Variants in PHACTR1 observed in about 807,000 individuals in gnomAD.
PHACTR1 encodes the protein RPEL repeat containing 1.
Under a neutral mutation model 69.2 loss-of-function variants are expected in PHACTR1, and 16 were observed. That is an observed-to-expected ratio of 0.23 (90% CI 0.16 to 0.35). The LOEUF (loss-of-function observed/expected upper bound fraction) is 0.35, where lower values mean the gene tolerates loss of function less well. PHACTR1 is among the 10% of genes least tolerant of loss of function. PHACTR1 has a pLI of 1.00. For synonymous variants in PHACTR1, 312 were observed against 284.5 expected (o/e 1.10, Z -0.97); for missense variants, 510 against 734.7 (o/e 0.69, Z 3.54).
At chr6:13,185,633 T>C (rs1260865249) in intron 7 of PHACTR1, among the ~76,000 whole-genome samples, 4 of 152,212 alleles carry the variant, frequency 2.6e-5, no homozygotes, top group Non-Finnish European at 5.9e-5. Context: ...TCAGTGAAAT[T>C]GTACTTCACT....
chr6:13,142,386 G>C (rs1822619847), intron 5 of PHACTR1, among the ~76,000 whole-genome samples: 1 of 152,140 alleles, frequency 6.6e-6, no homozygotes, highest in Non-Finnish European at 1.5e-5. Flanking sequence ...TTACAGGTGT[G>C]AGCCACCGCA....
At chr6:12,953,044 C>T (rs547461756) in intron 4 of PHACTR1, among the ~76,000 whole-genome samples, 59 of 152,224 alleles carry the variant, frequency 3.9e-4, no homozygotes, top group African/African-American at 1.3e-3. Context: ...ATATTCTTGC[C>T]GGGCGTGGTG....
At chr6:12,862,412 A>G (rs941007623) in intron 4 of PHACTR1, among the ~76,000 whole-genome samples, 6 of 152,138 alleles carry the variant, frequency 3.9e-5, no homozygotes, top group Admixed American at 3.9e-4. Context: ...ACAAAGCACT[A>G]GATCTGGGAG....
chr6:12,901,685 G>A lies in PHACTR1; in HGVS notation c.251-151680G>A, dbSNP rs541971174. Among the ~76,000 whole-genome samples the A allele has an allele frequency of 8.1e-4, 124 of 152,178 alleles. 1 individual carries two copies. Among genetic ancestry groups the A allele is most frequent in the African/African-American group, 2.1e-3 (89 of 41,516 alleles). On this transcript the variant is annotated intron_variant, in intron 4 of 14. Coordinates refer to ENST00000332995, the MANE Select transcript of PHACTR1 (RefSeq NM_030948.6). ...AATTTTTGTATTTTTTGGTAGAAAC[G>A]GGGTTTCACCATGTTGGTCAGGCTG... is the stretch of plus-strand genomic sequence containing the variant.
chr6:12,764,354 A>G (rs931104357), intron 4 of PHACTR1, among the ~76,000 whole-genome samples: 2 of 152,132 alleles, frequency 1.3e-5, no homozygotes, highest in Non-Finnish European at 2.9e-5. Context: ...TTCTCTGTCA[A>G]CCTCTGAAAA....
At chr6:13,107,904 T>C (rs1407114296) in intron 5 of PHACTR1, among the ~76,000 whole-genome samples, 1 of 152,050 alleles carries the variant, frequency 6.6e-6, no homozygotes, top group African/African-American at 2.4e-5. Context: ...TGATTTCTAG[T>C]CTTTATTATT....
At chr6:12,821,618 A>G (rs574995238) in intron 4 of PHACTR1, among the ~76,000 whole-genome samples, 8 of 152,104 alleles carry the variant, frequency 5.3e-5, no homozygotes, top group South Asian at 2.1e-4. Context: ...TAGTCTTTCA[A>G]TGTCTCTGTA....
rs567031143 is a variant in PHACTR1 at position 13,189,997 on chromosome 6, GAA to G, written c.664+7313_664+7314del. On this transcript the variant is annotated intron_variant, in intron 7 of 14. Coordinates refer to ENST00000332995, the MANE Select transcript of PHACTR1 (RefSeq NM_030948.6). ...TATGTTCTCACATAACAGGGAGAGAGAAAGAGATCTCTGATATCTCTTCTGCT... is the reference window on the plus strand; with the variant it reads ...TATGTTCTCACATAACAGGGAGAGAGAGAGATCTCTGATATCTCTTCTGCT... Among the ~76,000 whole-genome samples the G allele has an allele frequency of 9.5e-5, 14 of 146,802 alleles. No homozygotes were observed. The East Asian group carries it at 3.0e-3, about 31-fold the overall frequency.
chr6:12,850,381 C>T (rs111424726), intron 4 of PHACTR1, among the ~76,000 whole-genome samples: 3,074 of 152,346 alleles, frequency 0.02, 73 homozygotes, highest in South Asian at 0.084. Context: ...ACTCTTGCTC[C>T]AGGGAGCCAC....
chr6:12,928,468 C>T lies in PHACTR1; in HGVS notation c.251-124897C>T, dbSNP rs72820834. On this transcript the variant is annotated intron_variant, in intron 4 of 14. Coordinates refer to ENST00000332995, the MANE Select transcript of PHACTR1 (RefSeq NM_030948.6). ...ATGGGATTTGTCTTTCTTTTATCTT[C>T]AGAATCCTGGTTTAATTTCTACCTT... is the stretch of plus-strand genomic sequence containing the variant. Among the ~76,000 whole-genome samples the T allele has an allele frequency of 4.3e-4, 65 of 152,300 alleles. 1 individual carries two copies. The highest frequency in any genetic ancestry group is 7.8e-4 in the Admixed American group (12 of 15,298).
chr6:12,858,827 CCACA>C (rs970125224), intron 4 of PHACTR1, among the ~76,000 whole-genome samples: 2 of 140,668 alleles, frequency 1.4e-5, no homozygotes, highest in Non-Finnish European at 3.1e-5. Context: ...CACACACACA[CCACA>C]CACACACACA....
At chr6:12,993,046 A>G (rs1312113927) in intron 4 of PHACTR1, among the ~76,000 whole-genome samples, 2 of 152,190 alleles carry the variant, frequency 1.3e-5, no homozygotes, top group African/African-American at 4.8e-5. Context: ...GAACATGCCT[A>G]GCCCCCAGGT....
chr6:12,958,004 A>C, intron 4 of PHACTR1: 1 of 985,448 alleles, frequency 1.0e-6, no homozygotes, highest in Non-Finnish European at 1.2e-6. Context: ...AGGCGGATGC[A>C]TGTGGGAGCA....
At chr6:12,741,830 A>G (rs977484534) in intron 3 of PHACTR1, among the ~76,000 whole-genome samples, 3 of 152,018 alleles carry the variant, frequency 2.0e-5, no homozygotes, top group Admixed American at 1.3e-4. Context: ...CCATAGGTCA[A>G]TTTGACAAGA....
chr6:13,053,214 T>G, intron 4 of PHACTR1, 151 bp from the exon 5 acceptor site: 1 of 860,170 alleles, frequency 1.2e-6, no homozygotes, highest in Non-Finnish European at 1.7e-6. Context: ...CAGAACACAC[T>G]GGTGTGACTT....
At chr6:13,072,466 A>G (rs867733742) in intron 5 of PHACTR1, among the ~76,000 whole-genome samples, 1 of 126,772 alleles carries the variant, frequency 7.9e-6, no homozygotes, top group Non-Finnish European at 1.8e-5. Flanking sequence ...ATACATTATG[A>G]TCATTTATAC....
At chr6:13,244,227 C>T (rs545558388) in intron 10 of PHACTR1, among the ~76,000 whole-genome samples, 50 of 152,000 alleles carry the variant, frequency 3.3e-4, no homozygotes, top group African/African-American at 1.2e-3. Context: ...AGGGAGTGCG[C>T]GAATAGGTGT....
intron 6 of PHACTR1, among the ~76,000 whole-genome samples, chr6:13,176,604 A>G (rs908853282): frequency 1.3e-5 from 2 of 152,212 alleles, no homozygotes; most frequent in African/African-American, 4.8e-5. Flanking sequence ...TAAAAATCAG[A>G]AAGTTCTATA....
At chr6:13,119,204 G>T (rs1318309137) in intron 5 of PHACTR1, among the ~76,000 whole-genome samples, 2 of 152,100 alleles carry the variant, frequency 1.3e-5, no homozygotes, top group Non-Finnish European at 2.9e-5. Context: ...GGTAAGAAAA[G>T]CTTCTCTTCC....
Sources: allele counts gnomAD v4.1 joint callset (sites outside exome capture counted in the v4.1 genomes callset), GRCh38; gene constraint gnomAD v4.1.1; transcripts MANE v1.5; gene names NCBI Gene and HGNC (gene_info 2026-07-23, HGNC 2026-07-21).